Variants in RGS22 observed in about 807,000 individuals in gnomAD.
RGS22 encodes the protein regulator of G protein signaling 22, also known as regulator of G-protein signaling 22.
RGS22 carries 148 observed loss-of-function variants against 172.9 expected under a neutral mutation model. The observed-to-expected ratio is 0.86, with a 90% CI of 0.75 to 0.98. The LOEUF is 0.98. Among genes scored for constraint, RGS22 ranks in the 50% least tolerant of loss-of-function variants. RGS22 has a pLI of 0.00. For synonymous variants in RGS22, 458 were observed against 480.2 expected, an observed-to-expected ratio of 0.95 and a Z score of 0.60; for missense variants, 1,347 against 1,440.8, an observed-to-expected ratio of 0.93 and a Z score of 1.05.
chr8:99,967,077 G>A (rs1810818129), intron 23 of RGS22, among the ~76,000 whole-genome samples: 1 of 152,218 alleles, frequency 6.6e-6, no homozygotes, highest in Non-Finnish European at 1.5e-5. Flanking sequence ...CAGAGCATGA[G>A]CAGAAGCAGG....
Position 100,071,462 on chromosome 8 carries a change from G to C in RGS22, c.501C>G (p.Pro167=). 1 of 1,613,084 alleles carries C rather than the reference G, an allele frequency of 6.2e-7. No individual in the cohort carries two copies. Among genetic ancestry groups the C allele is most frequent in the African/African-American group, 1.3e-5 (1 of 74,952 alleles). The change falls in exon 6 of 28, where the codon CCC becomes CCG. Residue 167 remains proline, a synonymous_variant. Coordinates refer to ENST00000360863, the MANE Select transcript of RGS22 (RefSeq NM_015668.5). ...GACTGGGTGGTTTTTTCACGATCCA[G>C]GGAGAAAAATTTGATCCTACTGTGA... ...MNFTVGSNFS[P]WIVKKPPSLP... is the part of the protein sequence containing the mutation.
At chr8:100,058,481 G>A (rs1809832319) in intron 9 of RGS22, among the ~76,000 whole-genome samples, 1 of 152,062 alleles carries the variant, frequency 6.6e-6, no homozygotes. Context: ...TATACAGGGA[G>A]CTCTAATACA....
intron 14 of RGS22, 36 bp downstream of exon 14, chr8:100,038,895 G>T: frequency 7.5e-7 from 1 of 1,340,298 alleles, no homozygotes; most frequent in Non-Finnish European, 1.1e-6. Flanking sequence ...TGTGTACTTA[G>T]TGCTTCACAT....
At chr8:100,009,125 G>A (rs922746470) in intron 14 of RGS22, among the ~76,000 whole-genome samples, 2 of 151,974 alleles carry the variant, frequency 1.3e-5, no homozygotes, top group Non-Finnish European at 2.9e-5. Flanking sequence ...AAAAGCATAA[G>A]AGCGAATGGA....
intron 18 of RGS22, among the ~76,000 whole-genome samples, chr8:99,999,888 C>T (rs1202282854): frequency 3.3e-5 from 5 of 152,058 alleles, no homozygotes; most frequent in African/African-American, 4.8e-5. Context: ...ATTATAAATA[C>T]GTATATTACC....
At chr8:100,065,267 G>A (rs1472515724) in intron 7 of RGS22, among the ~76,000 whole-genome samples, 1 of 152,196 alleles carries the variant, frequency 6.6e-6, no homozygotes, top group Non-Finnish European at 1.5e-5. Context: ...GAACTGAAGG[G>A]AGGATGTCGC....
At chr8:100,017,193 C>CA (rs1213839484) in intron 14 of RGS22, among the ~76,000 whole-genome samples, 3 of 151,982 alleles carry the variant, frequency 2.0e-5, no homozygotes, top group East Asian at 3.9e-4. Context: ...AGGCTGGTCT[C>CA]AAACTCCTAG....
chr8:100,065,823 C>T (rs377239900), intron 7 of RGS22, among the ~76,000 whole-genome samples: 4 of 152,120 alleles, frequency 2.6e-5, no homozygotes, highest in African/African-American at 9.6e-5. Flanking sequence ...GAAATAATGA[C>T]ATTGATTGAC....
intron 21 of RGS22, among the ~76,000 whole-genome samples, chr8:99,984,394 T>C (rs960332059): frequency 6.6e-6 from 1 of 152,226 alleles, no homozygotes; most frequent in African/African-American, 2.4e-5. Context: ...TATACAATTA[T>C]AATTTTGAGT....
At chr8:100,103,227 G>A (rs924268423) in intron 2 of RGS22, among the ~76,000 whole-genome samples, 4 of 152,190 alleles carry the variant, frequency 2.6e-5, no homozygotes, top group South Asian at 2.1e-4. Context: ...TGAATTTTAT[G>A]CTTTAGACAA....
At chr8:100,008,118 A>C (rs895688466) in intron 15 of RGS22, among the ~76,000 whole-genome samples, 6 of 151,208 alleles carry the variant, frequency 4.0e-5, no homozygotes, top group Non-Finnish European at 8.8e-5. Context: ...GCTCACTGCA[A>C]CCTCTACCTC....
rs16897896 is a variant in RGS22 at position 100,041,691 on chromosome 8, T to C, written c.1938+111A>G. The C allele has an allele frequency of 2.8e-3, 1,668 of 603,010 alleles. 28 individuals carry two copies. The African/African-American group carries it at 0.029, about 10-fold the overall frequency. The allele number at this position is 603,010 out of a possible 1,614,324, so 37.4% of individuals were successfully genotyped here. A position where few individuals can be genotyped will look rare whatever the true frequency, so the allele number is the denominator to read the frequency against. On this transcript the variant is annotated intron_variant, in intron 12 of 27. Transcript: ENST00000360863. ...TTGGCAAGGAAAAAAATCAAATGTG[T>C]TGCTTAGTAAAGAAAAAATATTATG...
In RGS22 at chr8:100,060,402, G is replaced by GTATATATATATATATATA. The variant is rs72050805; in HGVS notation, c.1514+2171_1514+2188dup. On this transcript the variant is annotated intron_variant, in intron 9 of 27. Transcript: ENST00000360863. ...GATAAATCTGCAACTTTAGCTACGT[G>GTATATATATATATATATA]TATATATATATATATATATACACAC... Among the ~76,000 whole-genome samples, 562 of 102,846 alleles carry GTATATATATATATATATA rather than the reference G, an allele frequency of 5.5e-3. 17 individuals are homozygous for GTATATATATATATATATA. Among genetic ancestry groups the GTATATATATATATATATA allele is most frequent in the Middle Eastern group, 0.01 (2 of 196 alleles). 67.5% of individuals were successfully genotyped at this position (102,846 alleles called of 152,430 possible). A position where few individuals can be genotyped will look rare whatever the true frequency, so the allele number is the denominator to read the frequency against.
intron 3 of RGS22, among the ~76,000 whole-genome samples, chr8:100,083,991 C>T (rs978349176): frequency 3.3e-5 from 5 of 151,636 alleles, no homozygotes; most frequent in East Asian, 3.9e-4. Flanking sequence ...CTGGGCGCCA[C>T]GACGCCCAAC....
intron 14 of RGS22, among the ~76,000 whole-genome samples, chr8:100,031,976 T>C (rs944150215): frequency 6.6e-6 from 1 of 152,134 alleles, no homozygotes; most frequent in Non-Finnish European, 1.5e-5. Context: ...CTGAGAGATT[T>C]TGTCACCACC....
At chr8:100,021,206 A>G (rs976530926) in intron 14 of RGS22, among the ~76,000 whole-genome samples, 2 of 152,246 alleles carry the variant, frequency 1.3e-5, no homozygotes, top group Non-Finnish European at 2.9e-5. Flanking sequence ...TCACACCAGA[A>G]TATGCCAATT....
intron 23 of RGS22, among the ~76,000 whole-genome samples, chr8:99,971,885 G>A (rs1410142095): frequency 6.6e-6 from 1 of 152,008 alleles, no homozygotes; most frequent in Non-Finnish European, 1.5e-5. Flanking sequence ...TCTTCACAGA[G>A]CTAGAAAAAA....
intron 15 of RGS22, among the ~76,000 whole-genome samples, chr8:100,007,849 C>CAA (rs59284752): frequency 2.9e-5 from 4 of 139,784 alleles, no homozygotes; most frequent in Non-Finnish European, 3.1e-5. Flanking sequence ...GACTCTGACT[C>CAA]AAAAAAAAAA....
intron 18 of RGS22, among the ~76,000 whole-genome samples, chr8:100,000,995 T>C (rs1265053908): frequency 6.6e-6 from 1 of 151,678 alleles, no homozygotes; most frequent in Non-Finnish European, 1.5e-5. Context: ...TTTATTAATA[T>C]ATACCATTAG....
Sources: gnomAD v4.1 joint callset for allele counts (sites outside exome capture counted in the v4.1 genomes callset) on GRCh38, gnomAD v4.1.1 for gene constraint, MANE v1.5 for transcripts, NCBI Gene and HGNC (gene_info 2026-07-23, HGNC 2026-07-21) for gene names.